The following CACNA1A variants were observed in gnomAD, a reference collection of about 807,000 sequenced individuals.
The protein encoded by CACNA1A is calcium voltage-gated channel subunit alpha1 A, also known as voltage-dependent P/Q-type calcium channel subunit alpha-1A.
Under a neutral mutation model 262.4 loss-of-function variants are expected in CACNA1A, and 57 were observed. The ratio of observed to expected loss-of-function variants is 0.22; its 90% CI spans 0.18 to 0.27. The LOEUF (loss-of-function observed/expected upper bound fraction) is 0.27. Ranked by LOEUF, CACNA1A falls within the 10% of genes least tolerant of loss-of-function variation. The pLI is 1.00. For synonymous variants in CACNA1A, 1,431 were observed against 1,419.3 expected (o/e 1.01, Z -0.18); for missense variants, 2,526 against 3,562.8 (o/e 0.71, Z 7.41).
chr19:13,333,743 ACT>A (rs1468760341), intron 8 of CACNA1A: 1 of 151,888 alleles, frequency 6.6e-6, no homozygotes, highest in Non-Finnish European at 1.5e-5. Context: ...CCAACTTCCT[ACT>A]CTGTTTTATC....
At chr19:13,341,213 G>A (rs80092363) in intron 6 of CACNA1A, among the ~76,000 whole-genome samples, 1 of 152,164 alleles carries the variant, frequency 6.6e-6, no homozygotes, top group African/African-American at 2.4e-5. Flanking sequence ...ACAAGACAAG[G>A]ACCACCAAGC....
intron 10 of CACNA1A, among the ~76,000 whole-genome samples, chr19:13,329,949 C>T (rs954685841): frequency 1.1e-4 from 16 of 152,108 alleles, no homozygotes; most frequent in African/African-American, 3.1e-4. Context: ...GAATACTTCC[C>T]GAATGAGTCA....
chr19:13,268,321 CAAT>C (rs1245893927), intron 24 of CACNA1A, among the ~76,000 whole-genome samples: 1 of 152,072 alleles, frequency 6.6e-6, no homozygotes, highest in Non-Finnish European at 1.5e-5. Context: ...GCGCCTTCAA[CAAT>C]GACTGGAGAT....
At chr19:13,352,495 C>T (rs1259330445) in intron 6 of CACNA1A, among the ~76,000 whole-genome samples, 2 of 152,010 alleles carry the variant, frequency 1.3e-5, no homozygotes, top group Non-Finnish European at 2.9e-5. Context: ...CAAATCCCAC[C>T]ACCCGAAGGT....
In CACNA1A at chr19:13,207,707, C is replaced by A; in HGVS notation, c.7127G>T (p.Arg2376Leu). 7.3e-7 allele frequency: 1 copy of A among 1,361,790 alleles called. No homozygotes were observed. Among genetic ancestry groups the A allele is most frequent in the Non-Finnish European group, 9.4e-7 (1 of 1,061,044 alleles). 84.4% of individuals were successfully genotyped at this position (1,361,790 alleles called of 1,614,324 possible). ...TCGACAGGCCCTGGGGGACTCGCTC[C>A]GGGCCGGGCCTGGGACCCGCCTCTC... is the stretch of plus-strand genomic sequence containing the variant. ...RMERRVPGPARSESPRACRHG... is the reference protein window; with the variant it reads ...RMERRVPGPALSESPRACRHG... Residue 2376 changes from arginine (R) to leucine (L), a missense_variant, in exon 47 of 47, where the codon CGG (arginine) becomes CTG (leucine). Physicochemically the swap from Arg to Leu is moderately radical, Grantham distance 102 (BLOSUM62 -2). Transcript: ENST00000360228. The surrounding 1 kb of genome is among the most constrained non-coding windows in gnomAD (Gnocchi z 5.7).
chr19:13,338,276 T>C (rs1029812986), intron 6 of CACNA1A, among the ~76,000 whole-genome samples: 3 of 151,690 alleles, frequency 2.0e-5, no homozygotes, highest in Non-Finnish European at 4.4e-5. Flanking sequence ...TAATCACTGT[T>C]ATGTATTCGG....
At chr19:13,467,264 T>A (rs1218249045) in intron 1 of CACNA1A, among the ~76,000 whole-genome samples, 1 of 151,932 alleles carries the variant, frequency 6.6e-6, no homozygotes. Flanking sequence ...TTTAAGCTTT[T>A]AAAAAACCAC....
chr19:13,371,690 G>C lies in CACNA1A; in HGVS notation c.629C>G (p.Pro210Arg). The C allele has an allele frequency of 6.4e-7, 1 of 1,570,414 alleles. No individual in the cohort carries two copies. Among genetic ancestry groups the C allele is most frequent in the Non-Finnish European group, 8.6e-7 (1 of 1,157,666 alleles). Residue 210 changes from proline to arginine, a missense_variant and splice_region_variant, in exon 4 of 47, where the codon CCA (proline) becomes CGA (arginine). Pro to Arg is a moderately radical substitution (Grantham distance 103, BLOSUM62 -2). Transcript: ENST00000360228. Reference protein sequence around the residue: ...LRPLKLVSGIPSLQVVLKSIM... With the variant: ...LRPLKLVSGIRSLQVVLKSIM... ...GTCAGGGTCGGAAACTCACGCACTT[G>C]GGATTCCAGACACCAGCTTGAGCGG... is the stretch of plus-strand genomic sequence containing the variant.
intron 18 of CACNA1A, 102 bp from the exon 19 acceptor site, chr19:13,299,455 C>G (rs961732546): frequency 1.1e-6 from 1 of 914,560 alleles, no homozygotes; most frequent in Admixed American, 1.8e-5. Context: ...CACTCCTGCT[C>G]TCCACCCTCT....
chr19:13,220,230 C>T (rs2055172747), intron 38 of CACNA1A, among the ~76,000 whole-genome samples: 1 of 150,418 alleles, frequency 6.6e-6, no homozygotes, highest in African/African-American at 2.5e-5. Context: ...TATTATACTC[C>T]AGCCTTGGCA....
At chr19:13,221,210 G>GTTTTTTCTTTTC (rs2055203000) in intron 38 of CACNA1A, among the ~76,000 whole-genome samples, 1 of 22,464 alleles carries the variant, frequency 4.5e-5, no homozygotes, top group South Asian at 3.7e-3. Context: ...GGTCCCATTT[G>GTTTTTTCTTTTC]TTTTTTCTTT....
chr19:13,223,324 G>A (rs1318985772), intron 38 of CACNA1A, among the ~76,000 whole-genome samples: 1 of 152,050 alleles, frequency 6.6e-6, no homozygotes, highest in East Asian at 1.9e-4. Context: ...CTCCCTAGTA[G>A]CTGGGACTAC....
At chr19:13,491,713 A>T (rs998655676) in intron 1 of CACNA1A, among the ~76,000 whole-genome samples, 1 of 152,170 alleles carries the variant, frequency 6.6e-6, no homozygotes, top group African/African-American at 2.4e-5. Context: ...GTGCACACCG[A>T]TAGTCCCAAC....
intron 36 of CACNA1A, among the ~76,000 whole-genome samples, chr19:13,228,176 G>A (rs2055536508): frequency 6.6e-6 from 1 of 152,054 alleles, no homozygotes; most frequent in South Asian, 2.1e-4. Flanking sequence ...CCAAAGTGCT[G>A]GGATTACAGG....
chr19:13,276,037 G>T, intron 23 of CACNA1A, 81 bp from the exon 24 acceptor site: 5 of 872,212 alleles, frequency 5.7e-6, no homozygotes, highest in Non-Finnish European at 9.2e-6. Flanking sequence ...CTAGCCTCTC[G>T]GGGAGAGGCA....
chr19:13,436,035 C>T (rs376415949), intron 3 of CACNA1A, among the ~76,000 whole-genome samples: 23 of 152,164 alleles, frequency 1.5e-4, no homozygotes, highest in African/African-American at 3.9e-4. Context: ...ATGTTGGCTA[C>T]GCTGGTCTTG....
intron 3 of CACNA1A, among the ~76,000 whole-genome samples, chr19:13,393,160 G>A (rs2059740129): frequency 6.6e-6 from 1 of 152,124 alleles, no homozygotes; most frequent in Admixed American, 6.6e-5. Context: ...GAAATATGAA[G>A]AGTGGTCACC....
chr19:13,386,726 G>C (rs965276892), intron 3 of CACNA1A, among the ~76,000 whole-genome samples: 1 of 152,064 alleles, frequency 6.6e-6, no homozygotes, highest in African/African-American at 2.4e-5. Flanking sequence ...CCAGGAGGCA[G>C]AGGTTGCAGT....
At chr19:13,223,005 TAAA>T (rs1181369119) in intron 38 of CACNA1A, among the ~76,000 whole-genome samples, 1 of 151,832 alleles carries the variant, frequency 6.6e-6, no homozygotes, top group Non-Finnish European at 1.5e-5. Flanking sequence ...TTCTCAGCTT[TAAA>T]AAAAATGTTT....
Sources: gnomAD v4.1 joint callset for allele counts (sites outside exome capture counted in the v4.1 genomes callset) on GRCh38, gnomAD v4.1.1 for gene constraint, Gnocchi (gnomAD v3.1) non-coding constraint, MANE v1.5 for transcripts, NCBI Gene and HGNC (gene_info 2026-07-23, HGNC 2026-07-21) for gene names.